Variants in LRRC36 observed in about 807,000 individuals in gnomAD.
The protein encoded by LRRC36 is leucine-rich repeat-containing protein 36.
A neutral mutation model predicts 81.1 loss-of-function variants in LRRC36; 62 were observed. The observed-to-expected ratio is 0.76, with a 90% CI of 0.62 to 0.94. The LOEUF (loss-of-function observed/expected upper bound fraction) is 0.94, where lower values mean the gene tolerates loss of function less well. Ranked by LOEUF, LRRC36 falls within the 40% of genes least tolerant of loss-of-function variation. The pLI is 0.00. For missense variants in LRRC36, 761 were observed against 881.7 expected, an observed-to-expected ratio of 0.86 and a Z score of 1.73; for synonymous variants, 334 against 348.6, an observed-to-expected ratio of 0.96 and a Z score of 0.47.
chr16:67,352,260 A>G (rs1377258630), intron 5 of LRRC36, among the ~76,000 whole-genome samples: 1 of 152,130 alleles, frequency 6.6e-6, no homozygotes, highest in Admixed American at 6.5e-5. Flanking sequence ...TCCACTGAAA[A>G]TTGTGTTTGT....
chr16:67,342,532 A>G (rs966072799), intron 2 of LRRC36, among the ~76,000 whole-genome samples: 1 of 152,108 alleles, frequency 6.6e-6, no homozygotes, highest in African/African-American at 2.4e-5. Context: ...AGTTTTTTCT[A>G]TGAGGAGAAG....
At chr16:67,338,457 A>T (rs188978821) in intron 1 of LRRC36, among the ~76,000 whole-genome samples, 1 of 152,166 alleles carries the variant, frequency 6.6e-6, no homozygotes, top group African/African-American at 2.4e-5. Flanking sequence ...AAAGGAAGGA[A>T]TATTTTAATA....
At chr16:67,327,066 CGGGGGGAT>C in intron 1 of LRRC36, 134 bp downstream of exon 1, 1 of 367,648 alleles carries the variant, frequency 2.7e-6, no homozygotes, top group Non-Finnish European at 4.3e-6. Context: ...GGCTGGGGGG[CGGGGGGAT>C]AACTTGAGGC....
At chr16:67,343,210 TTTG>T (rs2142005756) in intron 2 of LRRC36, among the ~76,000 whole-genome samples, 1 of 152,340 alleles carries the variant, frequency 6.6e-6, no homozygotes, top group Admixed American at 6.5e-5. Context: ...ATTGCTGTAA[TTTG>T]TTTTTATACT....
chr16:67,375,206 GT>G (rs1567500373), intron 9 of LRRC36, 40 bp from the exon 10 acceptor site: 2 of 1,594,612 alleles, frequency 1.3e-6, no homozygotes, highest in East Asian at 2.2e-5. Flanking sequence ...AAATGGTTGG[GT>G]TTTTTGTTTG....
intron 1 of LRRC36, among the ~76,000 whole-genome samples, chr16:67,334,572 GC>G (rs1414990666): frequency 6.6e-6 from 1 of 151,934 alleles, no homozygotes; most frequent in Non-Finnish European, 1.5e-5. Context: ...TGATCTGCCT[GC>G]CCCAACCTCC....
chr16:67,346,295 T>C lies in LRRC36; in HGVS notation c.238T>C (p.Tyr80His). The change falls in exon 3 of 14, where the codon TAT becomes CAT. Residue 80 changes from tyrosine (Y) to histidine (H), a missense_variant. Transcript: ENST00000329956. Reference protein sequence around the residue: ...YLCSLQDLNLYYNNIPSLVEV... With the variant: ...YLCSLQDLNLHYNNIPSLVEV... ...ATGTTCACTCCAAGACCTGAATTTATATTATAACAACATTCCTTCATTAGT... is the reference window on the plus strand; with the variant it reads ...ATGTTCACTCCAAGACCTGAATTTACATTATAACAACATTCCTTCATTAGT... 1 of 1,610,034 alleles carries C rather than the reference T, an allele frequency of 6.2e-7. No individual in the cohort carries two copies. Among genetic ancestry groups the C allele is most frequent in the South Asian group, 1.1e-5 (1 of 90,508 alleles).
At chr16:67,355,584 C>T (rs1290712198) in intron 5 of LRRC36, among the ~76,000 whole-genome samples, 4 of 151,814 alleles carry the variant, frequency 2.6e-5, no homozygotes, top group Non-Finnish European at 2.9e-5. Context: ...CTGTTTTAGC[C>T]GGGATGGTCT....
chr16:67,342,119 C>G, intron 2 of LRRC36, 35 bp downstream of exon 2: 2 of 1,456,314 alleles, frequency 1.4e-6, no homozygotes, highest in Non-Finnish European at 9.2e-7. Flanking sequence ...CCAGGTCTGC[C>G]CAATTTATTT....
intron 4 of LRRC36, among the ~76,000 whole-genome samples, chr16:67,349,873 G>T (rs187398330): frequency 1.3e-5 from 2 of 151,874 alleles, no homozygotes; most frequent in South Asian, 4.1e-4. Context: ...TGATTCTCCT[G>T]CCTCAGCCTT....
intron 9 of LRRC36, 68 bp from the exon 10 acceptor site, chr16:67,375,179 T>C: frequency 6.6e-7 from 1 of 1,519,750 alleles, no homozygotes; most frequent in Non-Finnish European, 8.9e-7. Context: ...TTACTTCCTT[T>C]ATTGTGTAAG....
chr16:67,366,232 A>C (rs1343928461), intron 7 of LRRC36, among the ~76,000 whole-genome samples: 3 of 152,044 alleles, frequency 2.0e-5, no homozygotes, highest in African/African-American at 4.8e-5. Context: ...ATCAGAGCTC[A>C]TAATAACCTC....
intron 8 of LRRC36, among the ~76,000 whole-genome samples, chr16:67,368,827 G>C (rs1444477560): frequency 2.0e-5 from 3 of 152,174 alleles, no homozygotes; most frequent in Non-Finnish European, 4.4e-5. Context: ...GTCAGATTCT[G>C]AATATGTTCT....
chr16:67,343,315 C>T (rs2038180757), intron 2 of LRRC36, among the ~76,000 whole-genome samples: 1 of 152,012 alleles, frequency 6.6e-6, no homozygotes, highest in Non-Finnish European at 1.5e-5. Flanking sequence ...TAATGCAGCG[C>T]TTCGGAAGGC....
chr16:67,368,275 T>C (rs2039489953), intron 8 of LRRC36, among the ~76,000 whole-genome samples: 2 of 152,180 alleles, frequency 1.3e-5, no homozygotes, highest in Admixed American at 1.3e-4. Flanking sequence ...GTAAGACACA[T>C]GATAAACATT....
At chr16:67,336,156 T>C (rs2037753436) in intron 1 of LRRC36, among the ~76,000 whole-genome samples, 1 of 152,228 alleles carries the variant, frequency 6.6e-6, no homozygotes, top group African/African-American at 2.4e-5. Flanking sequence ...TCCATGTCTT[T>C]CCGTGGTTAA....
rs181025525 is a variant in LRRC36, at chr16:67,350,485, A to G, written c.577+195A>G. Among the ~76,000 whole-genome samples, 53 of 152,338 alleles carry G rather than the reference A, an allele frequency of 3.5e-4. 1 individual carries two copies. The highest frequency in any genetic ancestry group is 1.3e-4 in the Admixed American group (2 of 15,302). On this transcript the variant is annotated intron_variant, in intron 5 of 13. Transcript: ENST00000329956. ...ACAGAGCAGGCCTAACCCAGAGCCC[A>G]TGAAAGCACAAGCTGTACTTGGAGA...
At chr16:67,328,051 G>C (rs956100173) in intron 1 of LRRC36, among the ~76,000 whole-genome samples, 1 of 152,184 alleles carries the variant, frequency 6.6e-6, no homozygotes, top group Non-Finnish European at 1.5e-5. Flanking sequence ...TGCAGAAATA[G>C]ATGGTAGCTG....
chr16:67,327,066 CG>C, intron 1 of LRRC36, 134 bp downstream of exon 1: 6 of 367,604 alleles, frequency 1.6e-5, no homozygotes, highest in East Asian at 1.3e-4. Flanking sequence ...GGCTGGGGGG[CG>C]GGGGGATAAC....
Sources: gnomAD v4.1 joint callset for allele counts (sites outside exome capture counted in the v4.1 genomes callset) on GRCh38, gnomAD v4.1.1 for gene constraint, MANE v1.5 for transcripts, NCBI Gene and HGNC (gene_info 2026-07-23, HGNC 2026-07-21) for gene names.